ASMTL: variants seen among roughly 807,000 people sequenced by gnomAD.
ASMTL encodes the protein acetylserotonin O-methyltransferase like, also known as probable bifunctional dTTP/UTP pyrophosphatase/methyltransferase protein.
In ASMTL, 57 loss-of-function variants were observed where a neutral mutation model predicts 60.3. The ratio of observed to expected loss-of-function variants is 0.95; its 90% confidence interval spans 0.76 to 1.18. The LOEUF (loss-of-function observed/expected upper bound fraction) is 1.18. ASMTL is among the 50% of genes most tolerant of loss of function. The probability of loss-of-function intolerance (pLI) is 0.00; values close to 1 mark genes in which losing one functional copy is unlikely to be tolerated. For missense variants in ASMTL, 981 were observed against 852.6 expected (o/e 1.15, Z -1.88); for synonymous variants, 419 against 373.0 (o/e 1.12, Z -1.42).
chrX:1,443,277 G>A (rs1169417082), intron 1 of ASMTL, among the ~76,000 whole-genome samples: 4 of 14,850 alleles, frequency 2.7e-4, no homozygotes, highest in African/African-American at 3.8e-4. Context: ...GACACACACC[G>A]CCATCATGGA....
Position 1,439,139 on chromosome X carries a change from G to C in ASMTL, c.231C>G (p.Asp77Glu). ...CAATGACCACGTCGGGGGCCCGCAG[G>C]TCTTTCTGTAAGAAAACCAGATTCC... ...LEVANRLYQK[D>E]LRAPDVVIGA... Residue 77 changes from aspartate to glutamate, a missense_variant, in exon 3 of 13, where the codon GAC (aspartate) becomes GAG (glutamate). Physicochemically the swap from Asp to Glu is conservative, Grantham distance 45. Transcript: ENST00000381317. The C allele has an allele frequency of 6.2e-7, 1 of 1,614,028 alleles. No individual in the cohort carries two copies.
chrX:1,427,198 C>A (rs1243619158), intron 7 of ASMTL, among the ~76,000 whole-genome samples: 4 of 151,460 alleles, frequency 2.6e-5, no homozygotes, highest in African/African-American at 9.7e-5. Context: ...GGCCACAAGC[C>A]CAGGGATGCC....
chrX:1,406,080 A>T (rs1442227160), intron 12 of ASMTL, among the ~76,000 whole-genome samples: 2 of 147,888 alleles, frequency 1.4e-5, no homozygotes, highest in African/African-American at 5.0e-5. Flanking sequence ...CATGGATGAG[A>T]TGGATGGATG....
In ASMTL at chrX:1,425,562, G is replaced by A. The variant is rs768181146; in HGVS notation, c.1023C>T (p.Ile341=). Residue 341 remains isoleucine (I), a synonymous_variant, in exon 8 of 13, where the codon ATC becomes ATT. Coordinates refer to ENST00000381317, the MANE Select transcript of ASMTL (RefSeq NM_004192.4). ...SACGMERLLD[I]CAAMGLLEKT... ...TCTCCAGGAGCCCCATGGCAGCACAGATGTCCAGAAGCCTCTCCATTCCAC... is the reference window on the plus strand; with the variant it reads ...TCTCCAGGAGCCCCATGGCAGCACAAATGTCCAGAAGCCTCTCCATTCCAC... 6 of 1,613,512 alleles carry A rather than the reference G, an allele frequency of 3.7e-6. No individual in the cohort carries two copies. Among genetic ancestry groups the A allele is most frequent in the South Asian group, 3.3e-5 (3 of 91,072 alleles).
chrX:1,446,645 G>T (rs183362686), intron 1 of ASMTL, among the ~76,000 whole-genome samples: 2 of 151,766 alleles, frequency 1.3e-5, no homozygotes, highest in African/African-American at 4.8e-5. Context: ...GACTGCAGGC[G>T]CCCGCCACCA....
chrX:1,439,030 G>A (rs2091043178), intron 3 of ASMTL, 67 bp downstream of exon 3: 1 of 1,518,172 alleles, frequency 6.6e-7, no homozygotes, highest in Non-Finnish European at 9.2e-7. Flanking sequence ...ATCCACAAGA[G>A]GCAGAATCAC....
chrX:1,442,133 C>G, intron 2 of ASMTL, 53 bp downstream of exon 2: 1 of 1,595,692 alleles, frequency 6.3e-7, no homozygotes, highest in Non-Finnish European at 8.5e-7. Context: ...CCGCAAATCC[C>G]CTCATCACAG....
intron 12 of ASMTL, among the ~76,000 whole-genome samples, chrX:1,411,949 T>C (rs1254761386): frequency 1.3e-5 from 2 of 151,222 alleles, no homozygotes; most frequent in East Asian, 2.0e-4. Flanking sequence ...GTAGCTGGGA[T>C]TACAGGCACC....
chrX:1,439,172 C>T (rs1216397874), intron 2 of ASMTL, 28 bp from the exon 3 acceptor site: 9 of 1,612,750 alleles, frequency 5.6e-6, no homozygotes, highest in African/African-American at 5.3e-5. Context: ...TCCGGTTTAC[C>T]GGTGACGTGC....
chrX:1,413,003 C>A, intron 11 of ASMTL, 149 bp from the exon 12 acceptor site: 1 of 836,822 alleles, frequency 1.2e-6, no homozygotes. Flanking sequence ...AGTACATCCC[C>A]GTGGGGACTT....
rs2091120035 is a variant in ASMTL, at chrX:1,442,007, A to C, written c.225+179T>G. On this transcript the variant is annotated intron_variant, in intron 2 of 12. Transcript: ENST00000381317. ...TAAGCTCCATTAATTCTGTATCATT[A>C]ATGGTATTATTAGGTTACTGCAATA... 52 of 683,584 alleles carry C rather than the reference A, an allele frequency of 7.6e-5. No individual in the cohort carries two copies. The South Asian group carries it at 9.9e-4, about 13-fold the overall frequency. The allele number at this position is 683,584 out of a possible 1,614,324, so 42.3% of individuals were successfully genotyped here.
In ASMTL at chrX:1,417,831, T is replaced by C. The variant is rs1468741368; in HGVS notation, c.1522+142A>G. ...GAGAGACACACACACACAAGCACCG[T>C]AGACAGTCCCATTTGCACACACATA... is the stretch of plus-strand genomic sequence containing the variant. On this transcript the variant is annotated intron_variant, in intron 11 of 12. Coordinates refer to ENST00000381317, the MANE Select transcript of ASMTL (RefSeq NM_004192.4). The C allele has an allele frequency of 5.7e-6, 6 of 1,056,326 alleles. No homozygotes were observed. The Admixed American group carries it at 8.7e-5, about 15-fold the overall frequency. 65.4% of individuals were successfully genotyped at this position (1,056,326 alleles called of 1,614,324 possible).
At chrX:1,431,439 T>G (rs2090784857) in intron 6 of ASMTL, among the ~76,000 whole-genome samples, 2 of 136,526 alleles carry the variant, frequency 1.5e-5, no homozygotes, top group East Asian at 4.2e-4. Flanking sequence ...ATATAATCTA[T>G]TATAACAGTA....
At position 1,403,446 on chromosome X, in the gene ASMTL, C is replaced by T. The variant is rs775615546; in HGVS notation, c.1689G>A (p.Lys563=). Residue 563 remains lysine (K), a synonymous_variant, in exon 13 of 13, where the codon AAG becomes AAA. Transcript: ENST00000381317. ...GCATCAGGGCGCGCTGCGCCACCCT[C>T]TTCTCCTCATCCAGGAGCGTCTCCA... is the stretch of plus-strand genomic sequence containing the variant. ...LLVETLLDEE[K]RVAQRALMQS... is the part of the protein sequence containing the mutation. 6.2e-7 allele frequency: 1 copy of T among 1,613,242 alleles called. No individual in the cohort carries two copies. The highest frequency in any genetic ancestry group is 1.3e-5 in the African/African-American group (1 of 75,068).
intron 2 of ASMTL, chrX:1,441,979 A>G: frequency 1.7e-6 from 1 of 598,918 alleles, no homozygotes; most frequent in Non-Finnish European, 3.0e-6. Context: ...ACACAGTAAC[A>G]GATAAGCTCC....
intron 12 of ASMTL, among the ~76,000 whole-genome samples, chrX:1,411,097 T>C (rs1184955514): frequency 1.3e-5 from 2 of 151,760 alleles, no homozygotes; most frequent in Admixed American, 6.6e-5. Flanking sequence ...GGCAGGAGAA[T>C]CACTTGAACC....
At chrX:1,441,982 T>C (rs1452348845) in intron 2 of ASMTL, 6 of 608,546 alleles carry the variant, frequency 9.9e-6, no homozygotes, top group Non-Finnish European at 2.9e-6. Flanking sequence ...CAGTAACAGA[T>C]AAGCTCCATT....
rs1183516487 is a variant in ASMTL at position 1,425,695 on chromosome X, A to G, written c.898-8T>C. On this transcript the variant is annotated splice_polypyrimidine_tract_variant and splice_region_variant and intron_variant, in intron 7 of 12. Transcript: ENST00000381317. ...GCAAGCGGTGAGCAGGCCCTGTTAAAAGCAAGTGCAGAGAGACTCATTAAG... is the reference window on the plus strand; with the variant it reads ...GCAAGCGGTGAGCAGGCCCTGTTAAGAGCAAGTGCAGAGAGACTCATTAAG... 2 of 1,612,772 alleles carry G rather than the reference A, an allele frequency of 1.2e-6. No homozygotes were observed. The highest frequency in any genetic ancestry group is 3.3e-5 in the Admixed American group (2 of 59,938).
In ASMTL at chrX:1,403,283, T is replaced by C. The variant is rs372842975; in HGVS notation, c.1852A>G (p.Lys618Glu). The C allele has an allele frequency of 6.2e-6, 10 of 1,612,698 alleles. No homozygotes were observed. The highest frequency in any genetic ancestry group is 8.5e-6 in the Non-Finnish European group (10 of 1,179,704). The change falls in exon 13 of 13, where the codon AAA becomes GAA. Residue 618 changes from lysine to glutamate, a missense_variant. Transcript: ENST00000381317. Reference sequence around the variant, plus strand: ...CTGCCTGGGCTTCAGGGGGCCACTTTGGTGGCCAAGATGGCATCCAGGACA... The same window carrying C: ...CTGCCTGGGCTTCAGGGGGCCACTTCGGTGGCCAAGATGGCATCCAGGACA... ...GGVLDAILATKVAP is the reference protein window; with the variant it reads ...GGVLDAILATEVAP
Sources: allele counts gnomAD v4.1 joint callset (sites outside exome capture counted in the v4.1 genomes callset), GRCh38; gene constraint gnomAD v4.1.1; transcripts MANE v1.5; gene names NCBI Gene and HGNC (gene_info 2026-07-23, HGNC 2026-07-21).